The following OSBPL10 variants were observed in gnomAD, a reference collection of about 807,000 sequenced individuals.
The protein encoded by OSBPL10 is oxysterol binding protein like 10.
Under a neutral mutation model 81.7 loss-of-function variants are expected in OSBPL10, and 49 were observed. The observed-to-expected ratio is 0.60, with a 90% confidence interval of 0.48 to 0.76. The LOEUF is 0.76. Among genes scored for constraint, OSBPL10 ranks in the 30% least tolerant of loss-of-function variants. OSBPL10 has a pLI of 0.00. For missense variants in OSBPL10, 923 were observed against 987.8 expected (o/e 0.93, Z 0.88); for synonymous variants, 419 against 383.6 (o/e 1.09, Z -1.08).
intron 1 of OSBPL10, among the ~76,000 whole-genome samples, chr3:31,922,054 TTG>T (rs1200239149): frequency 6.6e-6 from 1 of 152,098 alleles, no homozygotes; most frequent in Non-Finnish European, 1.5e-5. Context: ...AACAACGGAA[TTG>T]TGAGAAACTG....
intron 2 of OSBPL10, among the ~76,000 whole-genome samples, chr3:32,008,177 A>ATTTTTTTTTT (rs58417694): frequency 7.0e-6 from 1 of 142,420 alleles, no homozygotes; most frequent in Non-Finnish European, 1.5e-5. Flanking sequence ...TGTTTTTATC[A>ATTTTTTTTTT]TTTTTTTTTT....
chr3:31,859,432 A>C (rs1701008747), intron 3 of OSBPL10, among the ~76,000 whole-genome samples: 1 of 152,176 alleles, frequency 6.6e-6, no homozygotes, highest in South Asian at 2.1e-4. Context: ...CATCCTTTAT[A>C]ATAAACTGGT....
chr3:31,685,885 T>C (rs1012454029), intron 7 of OSBPL10, among the ~76,000 whole-genome samples: 14 of 152,142 alleles, frequency 9.2e-5, no homozygotes, highest in African/African-American at 2.9e-4. Flanking sequence ...CTCCCAAATG[T>C]GTGTTGCAAT....
intron 2 of OSBPL10, among the ~76,000 whole-genome samples, chr3:31,877,953 G>A (rs1443771851): frequency 6.6e-6 from 1 of 152,168 alleles, no homozygotes; most frequent in Non-Finnish European, 1.5e-5. Flanking sequence ...TGCGTCTCAT[G>A]ATACCATGAT....
chr3:31,874,112 CT>C (rs5847723), intron 3 of OSBPL10, among the ~76,000 whole-genome samples: 8,507 of 144,310 alleles, frequency 0.059, 327 homozygotes, highest in African/African-American at 0.12. Flanking sequence ...TCTTCAAATT[CT>C]TTTTTTTTTT....
At chr3:31,769,714 G>A (rs370054322) in intron 4 of OSBPL10, among the ~76,000 whole-genome samples, 65 of 152,050 alleles carry the variant, frequency 4.3e-4, no homozygotes, top group African/African-American at 1.5e-3. Context: ...CATATAGGCT[G>A]TCAGTTCCCA....
intron 6 of OSBPL10, among the ~76,000 whole-genome samples, chr3:31,711,927 T>C (rs148856685): frequency 4.5e-4 from 68 of 152,160 alleles, no homozygotes; most frequent in African/African-American, 1.5e-3. Flanking sequence ...CAAAATCAAA[T>C]AGCAAAGGCC....
chr3:31,991,220 T>C, intron 2 of OSBPL10: 1 of 469,222 alleles, frequency 2.1e-6, no homozygotes, highest in Non-Finnish European at 3.9e-6. Context: ...TCAAGACGGA[T>C]AGATCACTTG....
intron 4 of OSBPL10, among the ~76,000 whole-genome samples, chr3:31,773,087 C>T (rs1698428919): frequency 6.6e-6 from 1 of 151,310 alleles, no homozygotes; most frequent in South Asian, 2.1e-4. Context: ...AATAAAAAGT[C>T]ATCTCTTGAA....
intron 1 of OSBPL10, among the ~76,000 whole-genome samples, chr3:31,953,212 C>T (rs112748848): frequency 0.17 from 25,780 of 151,862 alleles, 2,636 homozygotes; most frequent in South Asian, 0.27. Context: ...AGATTACAGG[C>T]GTGAGCCAGC....
Position 31,760,229 on chromosome 3 carries a change from G to C in OSBPL10, c.730-12109C>G, listed in dbSNP as rs1447226654. 2.6e-5 allele frequency among the ~76,000 whole-genome samples: 4 copies of C among 152,194 alleles called. No individual in the cohort carries two copies. In the East Asian group the frequency reaches 7.7e-4, roughly 29 times the overall value. On this transcript the variant is annotated intron_variant, in intron 4 of 11. Coordinates refer to ENST00000396556, the MANE Select transcript of OSBPL10 (RefSeq NM_017784.5). ...CTGTCTCAGGGTGGCAGAGACAGAAGAGTTGGAGGAGGTGAAAGGAGAGGC... is the reference window on the plus strand; with the variant it reads ...CTGTCTCAGGGTGGCAGAGACAGAACAGTTGGAGGAGGTGAAAGGAGAGGC...
intron 5 of OSBPL10, among the ~76,000 whole-genome samples, chr3:31,746,715 T>C (rs938330821): frequency 1.3e-5 from 2 of 148,342 alleles, no homozygotes; most frequent in African/African-American, 5.0e-5. Flanking sequence ...CAGCAAACTA[T>C]CGCAAGGATA....
In OSBPL10 at chr3:31,812,755, AAAG is replaced by A. The variant is rs1437608232; in HGVS notation, c.729+17282_729+17284del. On this transcript the variant is annotated intron_variant, in intron 4 of 11. Coordinates refer to ENST00000396556, the MANE Select transcript of OSBPL10 (RefSeq NM_017784.5). ...GAAAGAAAGAAAGAAAGAAAGAAAG[AAAG>A]AAAGAAAGAAAGAAAGAAAGAAAGA... Among the ~76,000 whole-genome samples, 199 of 40,888 alleles carry A rather than the reference AAAG, an allele frequency of 4.9e-3. 12 individuals carry two copies. Among genetic ancestry groups the A allele is most frequent in the African/African-American group, 0.02 (188 of 9,312 alleles). 26.8% of individuals were successfully genotyped at this position (40,888 alleles called of 152,430 possible).
At chr3:31,729,399 G>A (rs1336808564) in intron 6 of OSBPL10, among the ~76,000 whole-genome samples, 2 of 152,068 alleles carry the variant, frequency 1.3e-5, no homozygotes, top group Non-Finnish European at 2.9e-5. Context: ...AAGGCTGGAG[G>A]AGCAGACATC....
intron 4 of OSBPL10, among the ~76,000 whole-genome samples, chr3:31,817,391 T>C (rs1270488020): frequency 6.6e-6 from 1 of 152,024 alleles, no homozygotes; most frequent in East Asian, 1.9e-4. Flanking sequence ...CCAGTAAGGG[T>C]ACAAGGGAGG....
chr3:31,930,209 T>C (rs754586602), intron 1 of OSBPL10, among the ~76,000 whole-genome samples: 2 of 151,864 alleles, frequency 1.3e-5, no homozygotes, highest in African/African-American at 2.4e-5. Context: ...AGGATATATA[T>C]ACATATACAT....
intron 5 of OSBPL10, among the ~76,000 whole-genome samples, 167 bp downstream of exon 5, chr3:31,747,742 TA>T (rs1197846188): frequency 1.3e-5 from 2 of 152,058 alleles, no homozygotes; most frequent in African/African-American, 4.8e-5. Context: ...ACTTGTAACA[TA>T]AAAATATATC....
intron 2 of OSBPL10, among the ~76,000 whole-genome samples, chr3:32,006,172 C>G (rs1354987253): frequency 6.6e-6 from 1 of 152,168 alleles, no homozygotes; most frequent in African/African-American, 2.4e-5. Flanking sequence ...TCTCAAACTC[C>G]TGACCTCAGG....
chr3:31,680,658 T>C (rs1204686205), intron 8 of OSBPL10, among the ~76,000 whole-genome samples: 1 of 152,126 alleles, frequency 6.6e-6, no homozygotes, highest in Non-Finnish European at 1.5e-5. Context: ...TAGGTAAGGA[T>C]GGATGGAGAT....
Sources: allele counts gnomAD v4.1 joint callset (sites outside exome capture counted in the v4.1 genomes callset), GRCh38; gene constraint gnomAD v4.1.1; transcripts MANE v1.5; gene names NCBI Gene and HGNC (gene_info 2026-07-23, HGNC 2026-07-21).